Variants in DLG2 observed in about 807,000 individuals in gnomAD.
The protein encoded by DLG2 is discs large MAGUK scaffold protein 2.
Under a neutral mutation model 132.5 loss-of-function variants are expected in DLG2, and 45 were observed. The ratio of observed to expected loss-of-function variants is 0.34; its 90% CI spans 0.27 to 0.44. DLG2 has a LOEUF of 0.44. Among genes scored for constraint, DLG2 ranks in the 20% least tolerant of loss-of-function variants. The probability of loss-of-function intolerance (pLI) is 1.00; values close to 1 mark genes in which losing one functional copy is unlikely to be tolerated. For missense variants in DLG2, 1,045 were observed against 1,196.9 expected (o/e 0.87, Z 1.87); for synonymous variants, 424 against 419.6 (o/e 1.01, Z -0.13).
intron 6 of DLG2, among the ~76,000 whole-genome samples, chr11:84,758,290 T>C (rs1445797386): frequency 6.6e-6 from 1 of 152,238 alleles, no homozygotes; most frequent in Non-Finnish European, 1.5e-5. Context: ...TGTATCTGGA[T>C]TTTTTACAGG....
intron 19 of DLG2, among the ~76,000 whole-genome samples, chr11:83,607,615 A>T (rs2059536359): frequency 1.3e-5 from 2 of 152,242 alleles, no homozygotes; most frequent in Non-Finnish European, 2.9e-5. Context: ...TCACTCCTGG[A>T]TATACCCAAA....
intron 6 of DLG2, among the ~76,000 whole-genome samples, chr11:84,555,179 T>C (rs528554398): frequency 2.1e-3 from 317 of 152,262 alleles, no homozygotes; most frequent in Non-Finnish European, 3.5e-3. Context: ...AAAAGCTCAC[T>C]CTTGAACTCT....
At chr11:83,614,638 G>A (rs1000169089) in intron 19 of DLG2, among the ~76,000 whole-genome samples, 3 of 152,002 alleles carry the variant, frequency 2.0e-5, no homozygotes, top group African/African-American at 7.2e-5. Flanking sequence ...AAGATCACCT[G>A]AGCCTGGGGA....
At chr11:84,216,080 T>C (rs1339919440) in intron 8 of DLG2, among the ~76,000 whole-genome samples, 2 of 152,192 alleles carry the variant, frequency 1.3e-5, no homozygotes, top group Admixed American at 6.5e-5. Flanking sequence ...TGAGTCTCAC[T>C]AGGTTACATC....
At chr11:85,512,028 G>C (rs1255196625) in intron 3 of DLG2, among the ~76,000 whole-genome samples, 1 of 152,018 alleles carries the variant, frequency 6.6e-6, no homozygotes, top group Non-Finnish European at 1.5e-5. Flanking sequence ...GCAGTTCCAT[G>C]GTGTTTCTCA....
At chr11:84,210,458 G>A (rs1169082942) in intron 8 of DLG2, among the ~76,000 whole-genome samples, 1 of 150,078 alleles carries the variant, frequency 6.7e-6, no homozygotes, top group Non-Finnish European at 1.5e-5. Flanking sequence ...AGTGGGTGCA[G>A]CGCACCAGCA....
chr11:85,369,103 G>A (rs2084774549), intron 3 of DLG2, among the ~76,000 whole-genome samples: 1 of 152,054 alleles, frequency 6.6e-6, no homozygotes, highest in Admixed American at 6.5e-5. Context: ...TTCATCCTCA[G>A]ACTACTGAGG....
chr11:85,016,373 T>G (rs2059577591), intron 6 of DLG2, among the ~76,000 whole-genome samples: 2 of 152,178 alleles, frequency 1.3e-5, no homozygotes, highest in African/African-American at 4.8e-5. Flanking sequence ...AACCTCACAG[T>G]GATATCCATC....
At chr11:85,175,526 G>A (rs2079174613) in intron 4 of DLG2, among the ~76,000 whole-genome samples, 3 of 152,110 alleles carry the variant, frequency 2.0e-5, no homozygotes, top group African/African-American at 7.2e-5. Flanking sequence ...GGCAAAAGCT[G>A]GAAGCAGAAC....
At chr11:83,858,926 A>G (rs1490651800) in intron 16 of DLG2, among the ~76,000 whole-genome samples, 3 of 152,168 alleles carry the variant, frequency 2.0e-5, no homozygotes, top group Non-Finnish European at 4.4e-5. Flanking sequence ...CTTTGTAATG[A>G]TTTCAACTCT....
chr11:84,669,947 C>T (rs2099703927), intron 6 of DLG2, among the ~76,000 whole-genome samples: 1 of 152,060 alleles, frequency 6.6e-6, no homozygotes, highest in African/African-American at 2.4e-5. Context: ...GAAGAGAGAC[C>T]AGCACATACA....
chr11:84,357,443 C>T (rs932463238), intron 7 of DLG2, among the ~76,000 whole-genome samples: 7 of 152,010 alleles, frequency 4.6e-5, no homozygotes, highest in Admixed American at 2.6e-4. Flanking sequence ...CATGTTTTCA[C>T]CGCAGCATTT....
At chr11:83,513,475 G>T (rs2095147322) in intron 21 of DLG2, among the ~76,000 whole-genome samples, 1 of 152,272 alleles carries the variant, frequency 6.6e-6, no homozygotes, top group Middle Eastern at 3.4e-3. Flanking sequence ...CCATTCTGTA[G>T]GTTGCCTGTT....
intron 3 of DLG2, among the ~76,000 whole-genome samples, chr11:85,387,885 C>T (rs554784748): frequency 1.1e-4 from 17 of 152,286 alleles, no homozygotes; most frequent in South Asian, 4.2e-4. Flanking sequence ...TGGAAACCCA[C>T]GTCATGAACT....
intron 7 of DLG2, among the ~76,000 whole-genome samples, chr11:84,489,742 T>G (rs1000275450): frequency 2.0e-5 from 3 of 152,120 alleles, no homozygotes; most frequent in African/African-American, 7.2e-5. Flanking sequence ...CAACATGACC[T>G]TTAATGTTCA....
chr11:83,690,787 G>A (rs1365397700), intron 18 of DLG2, among the ~76,000 whole-genome samples: 2 of 152,008 alleles, frequency 1.3e-5, no homozygotes, highest in African/African-American at 4.8e-5. Flanking sequence ...TTTTCAGTTT[G>A]TGGAAAGAAA....
chr11:83,743,814 G>A (rs1401835060), intron 18 of DLG2, among the ~76,000 whole-genome samples: 2 of 152,052 alleles, frequency 1.3e-5, no homozygotes, highest in African/African-American at 4.8e-5. Flanking sequence ...GCACCTCAGA[G>A]GGTTGCTATG....
chr11:85,568,472 T>C (rs1370458511), intron 3 of DLG2, among the ~76,000 whole-genome samples: 2 of 152,220 alleles, frequency 1.3e-5, no homozygotes, highest in Non-Finnish European at 2.9e-5. Flanking sequence ...CCTCAATTTT[T>C]TGGAATAATT....
chr11:85,523,573 G>A (rs1027286331), intron 3 of DLG2, among the ~76,000 whole-genome samples: 1 of 152,036 alleles, frequency 6.6e-6, no homozygotes, highest in African/African-American at 2.4e-5. Flanking sequence ...CAAAAGACAG[G>A]CAATAACAAA....
Sources: allele counts gnomAD v4.1 joint callset (sites outside exome capture counted in the v4.1 genomes callset), GRCh38; gene constraint gnomAD v4.1.1; transcripts MANE v1.5; gene names NCBI Gene and HGNC (gene_info 2026-07-23, HGNC 2026-07-21).